Variants in DPYD observed in about 807,000 individuals in gnomAD.
DPYD encodes dihydropyrimidine dehydrogenase.
DPYD carries 109 observed loss-of-function variants against 116.2 expected under a neutral mutation model. That is an observed-to-expected ratio of 0.94 (90% CI 0.80 to 1.10). The LOEUF is 1.10. Ranked by LOEUF, DPYD falls within the 50% of genes least tolerant of loss-of-function variation. The pLI is 0.00. For synonymous variants in DPYD, 440 were observed against 432.0 expected, an observed-to-expected ratio of 1.02 and a Z score of -0.23; for missense variants, 1,302 against 1,254.5, an observed-to-expected ratio of 1.04 and a Z score of -0.57.
In DPYD at chr1:97,487,969, C is replaced by T. The variant is rs772541082; in HGVS notation, c.1740+27757G>A. 2.6e-5 allele frequency among the ~76,000 whole-genome samples: 4 copies of T among 152,004 alleles called. No homozygotes were observed. In the East Asian group the frequency reaches 7.7e-4, roughly 29 times the overall value. ...AACTTATGTCCAAACAAAAGGAGTACACAAATTTTCATAGCAACTTTATTT... is the reference window on the plus strand; with the variant it reads ...AACTTATGTCCAAACAAAAGGAGTATACAAATTTTCATAGCAACTTTATTT... On this transcript the variant is annotated intron_variant, in intron 13 of 22. Coordinates refer to ENST00000370192, the MANE Select transcript of DPYD (RefSeq NM_000110.4).
chr1:97,516,491 G>T (rs2101978380), intron 12 of DPYD, among the ~76,000 whole-genome samples: 1 of 152,118 alleles, frequency 6.6e-6, no homozygotes, highest in East Asian at 1.9e-4. Context: ...GAAATCATAA[G>T]CTGCAGGGAG....
At chr1:97,897,297 G>GT (rs571526817) in intron 1 of DPYD, among the ~76,000 whole-genome samples, 87 of 151,810 alleles carry the variant, frequency 5.7e-4, no homozygotes, top group African/African-American at 1.9e-3. Context: ...CAGTACACCT[G>GT]TTTTTTTCCT....
chr1:97,877,693 G>A (rs1330241081), intron 2 of DPYD, among the ~76,000 whole-genome samples: 3 of 151,978 alleles, frequency 2.0e-5, no homozygotes, highest in Non-Finnish European at 2.9e-5. Context: ...CATATAACAG[G>A]AGGCAAGGGT....
intron 16 of DPYD, among the ~76,000 whole-genome samples, chr1:97,313,465 A>C (rs1667632715): frequency 6.6e-6 from 1 of 150,500 alleles, no homozygotes; most frequent in South Asian, 2.1e-4. Context: ...AAATGTTGTA[A>C]CTGTATATAC....
chr1:97,887,226 G>C (rs1292670202), intron 1 of DPYD, among the ~76,000 whole-genome samples: 2 of 152,004 alleles, frequency 1.3e-5, no homozygotes, highest in East Asian at 3.9e-4. Context: ...TGTAATGCCA[G>C]CACTTTGGGA....
At chr1:97,642,566 C>T (rs1406783760) in intron 8 of DPYD, among the ~76,000 whole-genome samples, 1 of 151,924 alleles carries the variant, frequency 6.6e-6, no homozygotes, top group Admixed American at 6.6e-5. Flanking sequence ...TGGATTCCTT[C>T]CTTACACCTT....
chr1:97,181,108 C>G (rs535411944), intron 20 of DPYD, among the ~76,000 whole-genome samples: 252 of 152,218 alleles, frequency 1.7e-3, no homozygotes, highest in Middle Eastern at 0.01. Context: ...TCCATGCAGG[C>G]ACTGACAATT....
intron 8 of DPYD, among the ~76,000 whole-genome samples, chr1:97,649,890 A>G (rs116098203): frequency 2.4e-4 from 36 of 152,208 alleles, no homozygotes; most frequent in Non-Finnish European, 4.4e-4. Context: ...TTAGAATTCA[A>G]TGTATTACCT....
At chr1:97,556,488 A>C in intron 11 of DPYD, among the ~76,000 whole-genome samples, 1 of 130,208 alleles carries the variant, frequency 7.7e-6, no homozygotes, top group East Asian at 2.4e-4. Context: ...TATATCTCCC[A>C]ATGCTATCCC....
At chr1:97,274,164 A>T (rs1397509487) in intron 18 of DPYD, among the ~76,000 whole-genome samples, 2 of 152,186 alleles carry the variant, frequency 1.3e-5, no homozygotes, top group African/African-American at 4.8e-5. Flanking sequence ...TCTAAATTCA[A>T]GGAACCTAGA....
chr1:97,104,805 A>C (rs1158528708), intron 20 of DPYD, among the ~76,000 whole-genome samples: 1 of 152,154 alleles, frequency 6.6e-6, no homozygotes, highest in Non-Finnish European at 1.5e-5. Flanking sequence ...CACCTGTGAA[A>C]AGCAGGCAGA....
chr1:97,208,511 C>T (rs1178760447), intron 19 of DPYD, among the ~76,000 whole-genome samples: 2 of 151,940 alleles, frequency 1.3e-5, no homozygotes, highest in Non-Finnish European at 2.9e-5. Context: ...ATCTTGAACT[C>T]CTGGGCTTAA....
chr1:97,265,846 T>C (rs499009), intron 18 of DPYD, among the ~76,000 whole-genome samples: 115,558 of 152,046 alleles, frequency 0.76, 44,944 homozygotes, highest in African/African-American at 0.93. Flanking sequence ...TGATACTCTC[T>C]ACTTAGATGA....
intron 2 of DPYD, among the ~76,000 whole-genome samples, chr1:97,863,014 C>T (rs1029997566): frequency 2.6e-5 from 4 of 151,746 alleles, no homozygotes; most frequent in African/African-American, 9.7e-5. Context: ...CAAGACCTAT[C>T]CAAGCTGTAA....
At chr1:97,103,738 ATTACT>A (rs1650926839) in intron 20 of DPYD, among the ~76,000 whole-genome samples, 2 of 152,150 alleles carry the variant, frequency 1.3e-5, no homozygotes, top group Non-Finnish European at 2.9e-5. Context: ...CTATGAGCCA[ATTACT>A]TTACTATTCT....
chr1:97,446,314 T>C (rs141727472), intron 14 of DPYD, among the ~76,000 whole-genome samples: 2 of 152,168 alleles, frequency 1.3e-5, no homozygotes, highest in Non-Finnish European at 2.9e-5. Flanking sequence ...TTCAAAAATA[T>C]TCTGGAAAGA....
chr1:97,381,514 C>T (rs980972329), intron 15 of DPYD, among the ~76,000 whole-genome samples: 2 of 152,078 alleles, frequency 1.3e-5, no homozygotes, highest in Non-Finnish European at 2.9e-5. Context: ...TGGAAGATCA[C>T]GAGGCCAATT....
intron 16 of DPYD, among the ~76,000 whole-genome samples, chr1:97,357,488 T>C (rs1670485418): frequency 6.6e-6 from 1 of 152,160 alleles, no homozygotes; most frequent in South Asian, 2.1e-4. Flanking sequence ...TCTTGCTTGA[T>C]TGGTTTGGTA....
intron 3 of DPYD, among the ~76,000 whole-genome samples, chr1:97,826,020 A>G (rs566635686): frequency 9.4e-5 from 8 of 85,430 alleles, no homozygotes; most frequent in African/African-American, 3.9e-4. Flanking sequence ...AGACATTACC[A>G]ATAATGTGTG....
Sources: allele counts gnomAD v4.1 joint callset (sites outside exome capture counted in the v4.1 genomes callset), GRCh38; gene constraint gnomAD v4.1.1; transcripts MANE v1.5; gene names NCBI Gene and HGNC (gene_info 2026-07-23, HGNC 2026-07-21).